The following APPL2 variants were observed in gnomAD, a reference collection of about 807,000 sequenced individuals.
APPL2 encodes DCC-interacting protein 13-beta.
Under a neutral mutation model 92.7 loss-of-function variants are expected in APPL2, and 84 were observed. That is an observed-to-expected ratio of 0.91 (90% CI 0.76 to 1.09). APPL2 has a LOEUF of 1.09. APPL2 is among the 50% of genes least tolerant of loss of function. The pLI, the probability that APPL2 is intolerant of heterozygous loss-of-function variation, is 0.00. For missense variants in APPL2, 736 were observed against 824.5 expected, an observed-to-expected ratio of 0.89 and a Z score of 1.31; for synonymous variants, 291 against 291.0, an observed-to-expected ratio of 1.00 and a Z score of 0.00.
intron 8 of APPL2, among the ~76,000 whole-genome samples, chr12:105,206,078 T>G (rs1451162129): frequency 6.6e-6 from 1 of 152,220 alleles, no homozygotes; most frequent in African/African-American, 2.4e-5. Context: ...CATTTCCCAT[T>G]TGCCCTGAGA....
intron 20 of APPL2, among the ~76,000 whole-genome samples, chr12:105,175,385 G>A (rs1179957900): frequency 6.6e-6 from 1 of 152,158 alleles, no homozygotes; most frequent in Non-Finnish European, 1.5e-5. Context: ...TAATATGGTA[G>A]CCACTGGCTA....
At chr12:105,227,651 C>T (rs112253826) in intron 2 of APPL2, among the ~76,000 whole-genome samples, 261 of 152,268 alleles carry the variant, frequency 1.7e-3, no homozygotes, top group African/African-American at 6.0e-3. Flanking sequence ...CTCTCAAGTA[C>T]AGCTGCTTCT....
chr12:105,199,613 A>C (rs1592788392), intron 9 of APPL2, 82 bp from the exon 10 acceptor site: 4 of 1,457,888 alleles, frequency 2.7e-6, no homozygotes, highest in East Asian at 2.4e-5. Flanking sequence ...CCATCACTCC[A>C]CCCCCGCAAA....
At chr12:105,234,304 T>C (rs1299909817) in intron 1 of APPL2, among the ~76,000 whole-genome samples, 1 of 152,246 alleles carries the variant, frequency 6.6e-6, no homozygotes, top group Non-Finnish European at 1.5e-5. Flanking sequence ...TCTCATTCTG[T>C]AGATGTTCTG....
At chr12:105,200,666 A>C (rs927497604) in intron 9 of APPL2, among the ~76,000 whole-genome samples, 1 of 152,208 alleles carries the variant, frequency 6.6e-6, no homozygotes, top group African/African-American at 2.4e-5. Flanking sequence ...CACAATTTAG[A>C]GGAGGTGTTC....
chr12:105,173,573 G>A lies in APPL2; in HGVS notation c.*741C>T, dbSNP rs1488917637. 1.3e-5 allele frequency: 2 copies of A among 152,570 alleles called. No homozygotes were observed. The highest frequency in any genetic ancestry group is 4.8e-5 in the African/African-American group (2 of 41,412). 9.5% of individuals were successfully genotyped at this position (152,570 alleles called of 1,614,324 possible). On this transcript the variant is annotated 3_prime_UTR_variant, in exon 21 of 21. Coordinates refer to ENST00000258530, the MANE Select transcript of APPL2 (RefSeq NM_018171.5). ...AAGAGGGTCTGGCTCAGAAGAAACA[G>A]GAACTGGTAGAGCTGCACCCTGTCC...
chr12:105,203,840 C>T, intron 8 of APPL2, 55 bp from the exon 9 acceptor site: 10 of 1,491,020 alleles, frequency 6.7e-6, no homozygotes, highest in Non-Finnish European at 8.4e-6. Flanking sequence ...GATCAGTGAA[C>T]TCACTGAAGG....
intron 1 of APPL2, among the ~76,000 whole-genome samples, chr12:105,230,627 C>T (rs1278308532): frequency 1.3e-5 from 2 of 152,202 alleles, no homozygotes; most frequent in Admixed American, 6.5e-5. Flanking sequence ...GGTAAAGGAA[C>T]AGTAACTGAC....
intron 9 of APPL2, among the ~76,000 whole-genome samples, chr12:105,203,010 TACACACAC>T (rs3838812): frequency 0.15 from 21,742 of 145,232 alleles, 2,238 homozygotes; most frequent in African/African-American, 0.3. Context: ...ATTTGTCAAC[TACACACAC>T]ACACACACAC....
chr12:105,186,667 T>TATATATGATATCGATATCATATC (rs1886709583), intron 17 of APPL2, among the ~76,000 whole-genome samples: 822 of 32,340 alleles, frequency 0.025, 6 homozygotes, highest in South Asian at 0.093. Context: ...ATATATATCA[T>TATATATGATATCGATATCATATC]ATATATGATA....
At chr12:105,185,606 G>A (rs1886532254) in intron 17 of APPL2, among the ~76,000 whole-genome samples, 1 of 151,978 alleles carries the variant, frequency 6.6e-6, no homozygotes, top group Admixed American at 6.6e-5. Flanking sequence ...AGTGAGATAA[G>A]CTGGGTACCG....
At chr12:105,210,828 G>A (rs745503655) in intron 5 of APPL2, among the ~76,000 whole-genome samples, 35 of 151,908 alleles carry the variant, frequency 2.3e-4, no homozygotes, top group Admixed American at 4.6e-4. Context: ...AAGCATTCAC[G>A]GTTCCCCCAA....
At chr12:105,235,389 CG>C (rs1891169152) in intron 1 of APPL2, 1 of 152,140 alleles carries the variant, frequency 6.6e-6, no homozygotes, top group East Asian at 1.9e-4. Flanking sequence ...AATGGGAAAA[CG>C]GTGCCAAAAG....
At chr12:105,205,855 T>C (rs952768219) in intron 8 of APPL2, among the ~76,000 whole-genome samples, 3 of 152,200 alleles carry the variant, frequency 2.0e-5, no homozygotes, top group Non-Finnish European at 4.4e-5. Context: ...CAAGTGCCCA[T>C]CATAAGCACC....
chr12:105,213,883 T>C (rs758236578), intron 4 of APPL2, among the ~76,000 whole-genome samples: 1 of 152,192 alleles, frequency 6.6e-6, no homozygotes, highest in African/African-American at 2.4e-5. Context: ...GCCATGATAC[T>C]ACCTGTAACA....
At chr12:105,234,898 C>T (rs1271294350) in intron 1 of APPL2, among the ~76,000 whole-genome samples, 1 of 150,628 alleles carries the variant, frequency 6.6e-6, no homozygotes, top group Non-Finnish European at 1.5e-5. Flanking sequence ...TACTTATCTA[C>T]ACTAGGAGGA....
chr12:105,177,358 G>C, intron 17 of APPL2, 96 bp from the exon 18 acceptor site: 1 of 1,303,956 alleles, frequency 7.7e-7, no homozygotes, highest in Non-Finnish European at 1.1e-6. Context: ...CAAATTCCCC[G>C]AAATAGAGAT....
Position 105,193,553 on chromosome 12 carries a change from G to GA in APPL2, c.1241+1707dup, listed in dbSNP as rs1566064032. On this transcript the variant is annotated intron_variant, in intron 14 of 20. Coordinates refer to ENST00000258530, the MANE Select transcript of APPL2 (RefSeq NM_018171.5). The stretch of plus-strand genomic sequence containing the variant: ...AAAGAGAAGACATACATTTACCCAG[G>GA]AGAAGGCTACGGGATTAACCCTCGC... Among the ~76,000 whole-genome samples, 10 of 152,286 alleles carry GA rather than the reference G, an allele frequency of 6.6e-5. No individual in the cohort carries two copies. The South Asian group carries it at 2.1e-3, about 32-fold the overall frequency.
At position 105,235,978 on chromosome 12, in the gene APPL2, G is replaced by T. The variant is rs1408992927; in HGVS notation, c.35C>A (p.Ala12Glu). 2 of 1,252,874 alleles carry T rather than the reference G, an allele frequency of 1.6e-6. No individual in the cohort carries two copies. The highest frequency in any genetic ancestry group is 2.0e-6 in the Non-Finnish European group (2 of 990,508). 77.6% of individuals were successfully genotyped at this position (1,252,874 alleles called of 1,614,324 possible). Residue 12 changes from alanine to glutamate, a missense_variant, in exon 1 of 21, where the codon GCG becomes GAG. Physicochemically the swap from Ala to Glu is moderately radical, Grantham distance 107. Transcript: ENST00000258530. Reference sequence around the variant, plus strand: ...AGGTACCTGGGGGCTGTCCTGCAACGCCTCCTCTAGCAGGAGCTTGTCCAC... The same window carrying T: ...AGGTACCTGGGGGCTGTCCTGCAACTCCTCCTCTAGCAGGAGCTTGTCCAC... ...PAVDKLLLEE[A>E]LQDSPQTRSL...
Sources: gnomAD v4.1 joint callset for allele counts (sites outside exome capture counted in the v4.1 genomes callset) on GRCh38, gnomAD v4.1.1 for gene constraint, MANE v1.5 for transcripts, NCBI Gene and HGNC (gene_info 2026-07-23, HGNC 2026-07-21) for gene names.